MARCHF9: variants seen among roughly 807,000 people sequenced by gnomAD.
MARCHF9 encodes the protein E3 ubiquitin-protein ligase MARCHF9.
Under a neutral mutation model 35.2 loss-of-function variants are expected in MARCHF9, and 17 were observed. That is an observed-to-expected ratio of 0.48 (90% CI 0.33 to 0.72). The LOEUF is 0.72. Among genes scored for constraint, MARCHF9 ranks in the 30% least tolerant of loss-of-function variants. The probability of loss-of-function intolerance (pLI) is 0.02; values close to 1 mark genes in which losing one functional copy is unlikely to be tolerated. For missense variants in MARCHF9, 386 were observed against 478.2 expected, an observed-to-expected ratio of 0.81 and a Z score of 1.80; for synonymous variants, 183 against 207.4, an observed-to-expected ratio of 0.88 and a Z score of 1.01.
In MARCHF9 at chr12:57,758,990, G is replaced by A. The variant is rs1045471853; in HGVS notation, c.*93G>A. ...AGGTACCAGCTGGACAAGGTGTTTG[G>A]GGCATGCTGCCCCCGTCACCGAGGA... On this transcript the variant is annotated 3_prime_UTR_variant, in exon 4 of 4. Coordinates refer to ENST00000266643, the MANE Select transcript of MARCHF9 (RefSeq NM_138396.6). This position sits in a 1 kb window ranked among gnomAD's most constrained non-coding sequence, Gnocchi z 5.4. 19 of 1,253,970 alleles carry A rather than the reference G, an allele frequency of 1.5e-5. 1 individual carries two copies. In the African/African-American group the frequency reaches 2.1e-4, roughly 14 times the overall value. The allele number at this position is 1,253,970 out of a possible 1,614,324, so 77.7% of individuals were successfully genotyped here.
At chr12:57,756,890 G>A (rs1462833959) in intron 1 of MARCHF9, 39 bp from the exon 2 acceptor site, 1 of 1,458,470 alleles carries the variant, frequency 6.9e-7, no homozygotes, top group Admixed American at 2.5e-5. Context: ...GGGTCGGGGT[G>A]GTGATGGCTG....
chr12:57,759,169 G>C lies in MARCHF9; in HGVS notation c.*272G>C. 2.4e-6 allele frequency: 1 copy of C among 413,692 alleles called. No individual in the cohort carries two copies. The highest frequency in any genetic ancestry group is 4.4e-6 in the Non-Finnish European group (1 of 229,414). The allele number at this position is 413,692 out of a possible 1,614,324, so 25.6% of individuals were successfully genotyped here. A position where few individuals can be genotyped will look rare whatever the true frequency, so the allele number is the denominator to read the frequency against. ...CGGGGAGAGCAGCTTTCCTTCCCTGGAGAGAACCGTCTTTACCTCAGCTCC... is the reference window on the plus strand; with the variant it reads ...CGGGGAGAGCAGCTTTCCTTCCCTGCAGAGAACCGTCTTTACCTCAGCTCC... On this transcript the variant is annotated 3_prime_UTR_variant, in exon 4 of 4. Transcript: ENST00000266643.
Position 57,758,844 on chromosome 12 carries a change from C to G in MARCHF9, c.988C>G (p.Arg330Gly), listed in dbSNP as rs755462997. Residue 330 changes from arginine to glycine, a missense_variant, in exon 4 of 4, where the codon CGT (arginine) becomes GGT (glycine). Physicochemically the swap from Arg to Gly is moderately radical, Grantham distance 125 (BLOSUM62 -2). Transcript: ENST00000266643. This position sits in a 1 kb window ranked among gnomAD's most constrained non-coding sequence, Gnocchi z 5.4. ...LLGQLRPPDA[R>G]SSSHSGREVV... ...TGGGCAGCTGCGGCCACCAGATGCC[C>G]GTTCCAGCTCCCATTCTGGCCGAGA... is the stretch of plus-strand genomic sequence containing the variant. The G allele has an allele frequency of 6.2e-7, 1 of 1,609,572 alleles. No individual in the cohort carries two copies. The highest frequency in any genetic ancestry group is 1.7e-5 in the Admixed American group (1 of 59,854).
Position 57,758,844 on chromosome 12 carries a change from C to T in MARCHF9, c.988C>T (p.Arg330Cys), listed in dbSNP as rs755462997. ...TGGGCAGCTGCGGCCACCAGATGCC[C>T]GTTCCAGCTCCCATTCTGGCCGAGA... Reference protein sequence around the residue: ...LLGQLRPPDARSSSHSGREVV... With the variant: ...LLGQLRPPDACSSSHSGREVV... The change falls in exon 4 of 4, where the codon CGT becomes TGT. Residue 330 changes from arginine to cysteine, a missense_variant. This residue lies in a region of MARCHF9 where 111 missense variants were observed against 112.4 expected (regional missense o/e 0.99). Coordinates refer to ENST00000266643, the MANE Select transcript of MARCHF9 (RefSeq NM_138396.6). This position sits in a 1 kb window ranked among gnomAD's most constrained non-coding sequence, Gnocchi z 5.4. 17 of 1,609,572 alleles carry T rather than the reference C, an allele frequency of 1.1e-5. No homozygotes were observed. Among genetic ancestry groups the T allele is most frequent in the Middle Eastern group, 1.7e-4 (1 of 6,056 alleles).
chr12:57,758,949 C>T lies in MARCHF9; in HGVS notation c.*52C>T, dbSNP rs1955303884. On this transcript the variant is annotated 3_prime_UTR_variant, in exon 4 of 4. Transcript: ENST00000266643. The surrounding 1 kb of genome is among the most constrained non-coding windows in gnomAD (Gnocchi z 5.4). ...AGTCAATGCATCAGTCAGAGAAGAA[C>T]TCTCATGGCTGCTGGAGGTACCAGC... The T allele has an allele frequency of 6.8e-7, 1 of 1,471,354 alleles. No individual in the cohort carries two copies. Among genetic ancestry groups the T allele is most frequent in the Non-Finnish European group, 9.1e-7 (1 of 1,096,022 alleles). The allele number at this position is 1,471,354 out of a possible 1,614,324, so 91.1% of individuals were successfully genotyped here. A position where few individuals can be genotyped will look rare whatever the true frequency, so the allele number is the denominator to read the frequency against.
At position 57,759,272 on chromosome 12, in the gene MARCHF9, C is replaced by A. The variant is rs918805085; in HGVS notation, c.*375C>A. 2 of 220,342 alleles carry A rather than the reference C, an allele frequency of 9.1e-6. No homozygotes were observed. Among genetic ancestry groups the A allele is most frequent in the African/African-American group, 2.3e-5 (1 of 44,204 alleles). 13.6% of individuals were successfully genotyped at this position (220,342 alleles called of 1,614,324 possible). A position where few individuals can be genotyped will look rare whatever the true frequency, so the allele number is the denominator to read the frequency against. On this transcript the variant is annotated 3_prime_UTR_variant, in exon 4 of 4. Transcript: ENST00000266643. Reference sequence around the variant, plus strand: ...ATGCCAGAAGAAAGGGGCTGTAGACCCCTATTCCCCACCCCATGGCCACAG... The same window carrying A: ...ATGCCAGAAGAAAGGGGCTGTAGACACCTATTCCCCACCCCATGGCCACAG...
At position 57,755,193 on chromosome 12, in the gene MARCHF9, G is replaced by C. The variant is rs1013126287; in HGVS notation, c.-336G>C. 3.1e-5 allele frequency: 5 copies of C among 161,348 alleles called. No individual in the cohort carries two copies. The highest frequency in any genetic ancestry group is 6.7e-5 in the Non-Finnish European group (5 of 74,290). 10.0% of individuals were successfully genotyped at this position (161,348 alleles called of 1,614,324 possible). On this transcript the variant is annotated 5_prime_UTR_variant, in exon 1 of 4. Coordinates refer to ENST00000266643, the MANE Select transcript of MARCHF9 (RefSeq NM_138396.6). ...CTGGGACCGAGAGAACGGCGATGGG[G>C]GGCGGCCCCGCCGCAGGAGGACCCG...
chr12:57,758,706 C>T lies in MARCHF9; in HGVS notation c.850C>T (p.Pro284Ser). Residue 284 changes from proline (P) to serine (S), a missense_variant, in exon 4 of 4, where the codon CCC becomes TCC. Physicochemically the swap from Pro to Ser is moderately conservative, Grantham distance 74. Transcript: ENST00000266643. The surrounding 1 kb of genome is among the most constrained non-coding windows in gnomAD (Gnocchi z 5.4). ...AGGGTAGKSG[P>S]RNSRTGPTSG... ...GGGAGGGACGGCAGGGAAGTCAGGC[C>T]CCAGGAACTCACGGACGGGCCCCAC... 2 of 1,611,650 alleles carry T rather than the reference C, an allele frequency of 1.2e-6. No individual in the cohort carries two copies. Among genetic ancestry groups the T allele is most frequent in the Non-Finnish European group, 8.5e-7 (1 of 1,178,972 alleles).
chr12:57,757,166 C>G, intron 2 of MARCHF9, 82 bp downstream of exon 2: 1 of 1,408,440 alleles, frequency 7.1e-7, no homozygotes, highest in East Asian at 2.7e-5. Flanking sequence ...AAGCCTATTT[C>G]ATTTACTCTT....
chr12:57,755,794 C>G lies in MARCHF9; in HGVS notation c.266C>G (p.Pro89Arg), dbSNP rs781069959. 10 of 1,314,664 alleles carry G rather than the reference C, an allele frequency of 7.6e-6. No individual in the cohort carries two copies. The highest frequency in any genetic ancestry group is 4.1e-5 in the South Asian group (2 of 48,228). 81.4% of individuals were successfully genotyped at this position (1,314,664 alleles called of 1,614,324 possible). A position where few individuals can be genotyped will look rare whatever the true frequency, so the allele number is the denominator to read the frequency against. ...LPPPAPPLPP[P>R]GALDALSLSS... ...CCGCCCGCGCCGCCGCTGCCGCCCC[C>G]GGGCGCGCTGGACGCCCTGTCGCTC... Residue 89 changes from proline to arginine, a missense_variant, in exon 1 of 4, where the codon CCG (proline) becomes CGG (arginine). Physicochemically the swap from Pro to Arg is moderately radical, Grantham distance 103. Transcript: ENST00000266643.
Position 57,758,492 on chromosome 12 carries a change from T to C in MARCHF9, c.707-71T>C, listed in dbSNP as rs1352790333. 1.6e-5 allele frequency: 24 copies of C among 1,470,100 alleles called. No homozygotes were observed. Among genetic ancestry groups the C allele is most frequent in the Non-Finnish European group, 2.2e-5 (24 of 1,093,924 alleles). 91.1% of individuals were successfully genotyped at this position (1,470,100 alleles called of 1,614,324 possible). On this transcript the variant is annotated intron_variant, in intron 3 of 3. Coordinates refer to ENST00000266643, the MANE Select transcript of MARCHF9 (RefSeq NM_138396.6). This position sits in a 1 kb window ranked among gnomAD's most constrained non-coding sequence, Gnocchi z 5.4. ...ACTGTATCTTCTCACTCTGAAGAAA[T>C]GCTTGCTTAAGTACCTCTGGCCTAG...
chr12:57,758,090 GC>G lies in MARCHF9; in HGVS notation c.514-15del. 2 of 1,614,118 alleles carry G rather than the reference GC, an allele frequency of 1.2e-6. No homozygotes were observed. On this transcript the variant is annotated splice_polypyrimidine_tract_variant and intron_variant, in intron 2 of 3. Transcript: ENST00000266643. The surrounding 1 kb of genome is among the most constrained non-coding windows in gnomAD (Gnocchi z 5.4). ...CCATCCCTTTCTGGGACTCTTTGGA[GC>G]CCTTTCTCCCACACAGTGGCAGGCC...
In MARCHF9 at chr12:57,755,528, G is replaced by A. The variant is rs1955279463; in HGVS notation, c.-1G>A. On this transcript the variant is annotated 5_prime_UTR_variant, in exon 1 of 4. Transcript: ENST00000266643. ...TGCCCCCCGCCCCCGGTGTCCGGACGATGCTCAAGTCTCGGCTCCGCATGT... is the reference window on the plus strand; with the variant it reads ...TGCCCCCCGCCCCCGGTGTCCGGACAATGCTCAAGTCTCGGCTCCGCATGT... The A allele has an allele frequency of 1.6e-6, 2 of 1,218,978 alleles. No individual in the cohort carries two copies. Among genetic ancestry groups the A allele is most frequent in the South Asian group, 1.9e-5 (1 of 53,632 alleles). The allele number at this position is 1,218,978 out of a possible 1,614,324, so 75.5% of individuals were successfully genotyped here. A position where few individuals can be genotyped will look rare whatever the true frequency, so the allele number is the denominator to read the frequency against.
chr12:57,758,718 C>G lies in MARCHF9; in HGVS notation c.862C>G (p.Arg288Gly), dbSNP rs369104296. 5.0e-6 allele frequency: 8 copies of G among 1,609,926 alleles called. No homozygotes were observed. In the African/African-American group the frequency reaches 8.0e-5, roughly 16 times the overall value. The change falls in exon 4 of 4, where the codon CGG becomes GGG. Residue 288 changes from arginine (R) to glycine (G), a missense_variant. Arg to Gly is a moderately radical substitution (Grantham distance 125, BLOSUM62 -2). This residue lies in a region of MARCHF9 where 111 missense variants were observed against 112.4 expected (regional missense o/e 0.99). Transcript: ENST00000266643. The surrounding 1 kb of genome is among the most constrained non-coding windows in gnomAD (Gnocchi z 5.4). ...TAGKSGPRNSRTGPTSGATSR... is the reference protein window; with the variant it reads ...TAGKSGPRNSGTGPTSGATSR... ...AGGGAAGTCAGGCCCCAGGAACTCACGGACGGGCCCCACCTCTGGGGCCAC... is the reference window on the plus strand; with the variant it reads ...AGGGAAGTCAGGCCCCAGGAACTCAGGGACGGGCCCCACCTCTGGGGCCAC...
chr12:57,757,738 ACT>A (rs1336521221), intron 2 of MARCHF9: 7 of 576,008 alleles, frequency 1.2e-5, no homozygotes, highest in African/African-American at 3.7e-5. Flanking sequence ...GTGTGTATTA[ACT>A]CTTAATCTTC....
At position 57,757,101 on chromosome 12, in the gene MARCHF9, G is replaced by A; in HGVS notation, c.513+17G>A. 2.6e-6 allele frequency: 4 copies of A among 1,536,198 alleles called. No individual in the cohort carries two copies. Among genetic ancestry groups the A allele is most frequent in the Non-Finnish European group, 3.5e-6 (4 of 1,139,244 alleles). On this transcript the variant is annotated intron_variant, in intron 2 of 3. Transcript: ENST00000266643. ...CCACTGCAGGTGAGGTGCAAGGAGA[G>A]GACTCGGAGATTGGGCGAGGACCTT...
intron 1 of MARCHF9, 139 bp downstream of exon 1, chr12:57,756,024 G>T (rs1955284919): frequency 3.9e-6 from 2 of 514,120 alleles, no homozygotes; most frequent in South Asian, 6.8e-5. Context: ...GAGGCCGAGG[G>T]GCTGGCAGGG....
In MARCHF9 at chr12:57,758,277, G is replaced by T. The variant is rs891394948; in HGVS notation, c.683G>T (p.Gly228Val). ...TTTCAGATCTGCTACGGCATGTATG[G>T]CTTCATGGATGTCGTCTGCATAGGT... Reference protein sequence around the residue: ...LLFQICYGMYGFMDVVCIGLI... With the variant: ...LLFQICYGMYVFMDVVCIGLI... The change falls in exon 3 of 4, where the codon GGC becomes GTC. Residue 228 changes from glycine (G) to valine (V), a missense_variant. Transcript: ENST00000266643. The surrounding 1 kb of genome is among the most constrained non-coding windows in gnomAD (Gnocchi z 5.4). The T allele has an allele frequency of 6.2e-7, 1 of 1,611,290 alleles. No homozygotes were observed. The highest frequency in any genetic ancestry group is 8.5e-7 in the Non-Finnish European group (1 of 1,177,584).
chr12:57,757,836 A>C (rs1326695199), intron 2 of MARCHF9: 9 of 602,634 alleles, frequency 1.5e-5, no homozygotes, highest in Non-Finnish European at 2.7e-5. Context: ...ACCCAAGGTT[A>C]CTTAGCCAGT....
Sources: gnomAD v4.1 joint callset for allele counts on GRCh38, gnomAD v4.1.1 for gene constraint, gnomAD v4.1.1 regional missense constraint, Gnocchi (gnomAD v3.1) non-coding constraint, MANE v1.5 for transcripts, NCBI Gene and HGNC (gene_info 2026-07-23, HGNC 2026-07-21) for gene names.